DDX10: variants seen among roughly 807,000 people sequenced by gnomAD.
The protein encoded by DDX10 is DEAD-box helicase 10.
In DDX10, 74 loss-of-function variants were observed where a neutral mutation model predicts 104.3. The observed-to-expected ratio is 0.71, with a 90% CI of 0.59 to 0.86. The LOEUF is 0.86. Ranked by LOEUF, DDX10 falls within the 40% of genes least tolerant of loss-of-function variation. The probability of loss-of-function intolerance (pLI) is 0.00; values close to 1 mark genes in which losing one functional copy is unlikely to be tolerated. For missense variants in DDX10, 952 were observed against 1,040.0 expected (o/e 0.92, Z 1.16); for synonymous variants, 351 against 353.4 (o/e 0.99, Z 0.08).
chr11:108,683,436 A>G (rs1356063895), intron 6 of DDX10, among the ~76,000 whole-genome samples: 1 of 152,110 alleles, frequency 6.6e-6, no homozygotes, highest in East Asian at 1.9e-4. Flanking sequence ...GCTTTTGGGG[A>G]GAAAAGTGAG....
intron 13 of DDX10, among the ~76,000 whole-genome samples, chr11:108,749,146 C>T (rs531972727): frequency 1.8e-4 from 27 of 151,884 alleles, no homozygotes; most frequent in African/African-American, 5.1e-4. Context: ...CTGATCTGCC[C>T]GCCTCGGCCT....
chr11:108,859,786 G>T (rs1341353111), intron 16 of DDX10, among the ~76,000 whole-genome samples: 1 of 152,190 alleles, frequency 6.6e-6, no homozygotes, highest in East Asian at 1.9e-4. Flanking sequence ...CTACTTTGTA[G>T]AGAACTGTGC....
intron 13 of DDX10, among the ~76,000 whole-genome samples, chr11:108,766,934 A>G (rs2094357070): frequency 1.3e-5 from 2 of 152,198 alleles, no homozygotes. Flanking sequence ...CTTTAAAAGT[A>G]TGGAAAACTT....
chr11:108,782,850 A>G (rs1861726829), intron 13 of DDX10, among the ~76,000 whole-genome samples: 1 of 152,108 alleles, frequency 6.6e-6, no homozygotes, highest in South Asian at 2.1e-4. Context: ...CAAATCACGA[A>G]AGAGTAGTCA....
intron 16 of DDX10, among the ~76,000 whole-genome samples, chr11:108,878,108 T>G (rs1863177087): frequency 1.3e-5 from 2 of 152,244 alleles, no homozygotes; most frequent in African/African-American, 4.8e-5. Flanking sequence ...CAAATTTGAC[T>G]GTCATTGAAT....
intron 13 of DDX10, among the ~76,000 whole-genome samples, chr11:108,834,223 C>A (rs967714335): frequency 6.6e-6 from 1 of 151,346 alleles, no homozygotes; most frequent in Non-Finnish European, 1.5e-5. Context: ...CCTGCCTTGG[C>A]CTCCCCAAAT....
At chr11:108,923,175 A>G (rs1466370870) in intron 17 of DDX10, among the ~76,000 whole-genome samples, 2 of 152,204 alleles carry the variant, frequency 1.3e-5, no homozygotes, top group Non-Finnish European at 2.9e-5. Context: ...TAGGAAACCC[A>G]GCTCTCTGTT....
rs552109744 is a variant in DDX10, at chr11:108,750,002, G to A, written c.1965+26540G>A. Among the ~76,000 whole-genome samples, 3 of 152,232 alleles carry A rather than the reference G, an allele frequency of 2.0e-5. No homozygotes were observed. The South Asian group carries it at 6.2e-4, about 32-fold the overall frequency. ...GAAGAAAATGATTAGAATCAAGTATGATCAAAGCTAAAATTAAATTGCAAA... is the reference window on the plus strand; with the variant it reads ...GAAGAAAATGATTAGAATCAAGTATAATCAAAGCTAAAATTAAATTGCAAA... On this transcript the variant is annotated intron_variant, in intron 13 of 17. Coordinates refer to ENST00000322536, the MANE Select transcript of DDX10 (RefSeq NM_004398.4).
intron 17 of DDX10, chr11:108,929,536 C>G (rs1185080470): frequency 6.6e-6 from 1 of 152,184 alleles, no homozygotes. Flanking sequence ...ACCCATGTGT[C>G]TATCCTGATT....
intron 6 of DDX10, among the ~76,000 whole-genome samples, chr11:108,685,565 C>T (rs1374989784): frequency 6.6e-6 from 1 of 152,198 alleles, no homozygotes; most frequent in Non-Finnish European, 1.5e-5. Context: ...CCAAGGTTAT[C>T]TCCAGTTCTT....
intron 17 of DDX10, chr11:108,920,783 T>A (rs918583455): frequency 3.9e-5 from 6 of 152,296 alleles, no homozygotes; most frequent in African/African-American, 1.4e-4. Context: ...ATTATTGATA[T>A]TCCGGCCCAG....
chr11:108,910,781 G>GTGTC (rs1565316163), intron 16 of DDX10, among the ~76,000 whole-genome samples: 2 of 130,606 alleles, frequency 1.5e-5, no homozygotes, highest in Non-Finnish European at 3.4e-5. Context: ...GTGTGTGTGT[G>GTGTC]TGTGTGTGTC....
intron 13 of DDX10, among the ~76,000 whole-genome samples, chr11:108,790,140 A>T (rs1302843084): frequency 6.6e-6 from 1 of 152,196 alleles, no homozygotes; most frequent in Non-Finnish European, 1.5e-5. Context: ...TTTAGCAAGT[A>T]ATAAGGGTGA....
chr11:108,773,898 A>G (rs554815699), intron 13 of DDX10, among the ~76,000 whole-genome samples: 3 of 152,322 alleles, frequency 2.0e-5, no homozygotes, highest in Admixed American at 1.3e-4. Context: ...CCAGAGAAGC[A>G]TAAAAGAAGA....
chr11:108,681,948 G>A (rs548573224), intron 6 of DDX10, among the ~76,000 whole-genome samples: 1 of 151,878 alleles, frequency 6.6e-6, no homozygotes, highest in South Asian at 2.1e-4. Context: ...TGTCTTTTTT[G>A]GTTTGGTTTT....
chr11:108,900,890 G>C (rs555523659), intron 16 of DDX10, among the ~76,000 whole-genome samples: 7 of 152,260 alleles, frequency 4.6e-5, no homozygotes, highest in African/African-American at 1.7e-4. Flanking sequence ...CCTTGTATGT[G>C]CCTACACAGT....
intron 11 of DDX10, among the ~76,000 whole-genome samples, chr11:108,717,355 G>A (rs1374706385): frequency 6.6e-6 from 1 of 152,208 alleles, no homozygotes; most frequent in Non-Finnish European, 1.5e-5. Context: ...TATTATCCAG[G>A]CTGGAGTGCA....
intron 17 of DDX10, among the ~76,000 whole-genome samples, chr11:108,936,429 C>T (rs377434308): frequency 6.6e-6 from 1 of 152,074 alleles, no homozygotes; most frequent in Non-Finnish European, 1.5e-5. Flanking sequence ...TACCTAGCTA[C>T]CCAGAACTTC....
At chr11:108,862,203 T>C (rs969110580) in intron 16 of DDX10, among the ~76,000 whole-genome samples, 3 of 152,150 alleles carry the variant, frequency 2.0e-5, no homozygotes, top group Admixed American at 6.5e-5. Flanking sequence ...TTTTTATTTT[T>C]GATAGAAACA....
Sources: gnomAD v4.1 joint callset for allele counts (sites outside exome capture counted in the v4.1 genomes callset) on GRCh38, gnomAD v4.1.1 for gene constraint, MANE v1.5 for transcripts, NCBI Gene and HGNC (gene_info 2026-07-23, HGNC 2026-07-21) for gene names.